Variants in CNTNAP4 observed in about 807,000 individuals in gnomAD.
CNTNAP4 encodes the protein contactin-associated protein-like 4.
In CNTNAP4, 98 loss-of-function variants were observed where a neutral mutation model predicts 148.4. The ratio of observed to expected loss-of-function variants is 0.66; its 90% CI spans 0.56 to 0.78. CNTNAP4 has a LOEUF of 0.78. CNTNAP4 is among the 30% of genes least tolerant of loss of function. CNTNAP4 has a pLI of 0.00. For missense variants in CNTNAP4, 1,935 were observed against 1,565.6 expected, an observed-to-expected ratio of 1.24 and a Z score of -3.98; for synonymous variants, 730 against 565.1, an observed-to-expected ratio of 1.29 and a Z score of -4.14.
At chr16:76,344,598 T>G (rs1964755432) in intron 2 of CNTNAP4, among the ~76,000 whole-genome samples, 1 of 152,212 alleles carries the variant, frequency 6.6e-6, no homozygotes, top group Admixed American at 6.5e-5. Context: ...GTCTGAATAT[T>G]AGATTAATAG....
chr16:76,553,365 C>T lies in CNTNAP4; in HGVS notation c.3525C>T (p.His1175=), dbSNP rs761882193. The change falls in exon 22 of 24, where the codon CAC becomes CAT. Residue 1175 remains histidine (H), a synonymous_variant. Coordinates refer to ENST00000611870, the MANE Select transcript of CNTNAP4 (RefSeq NM_033401.5). ...GCCTCTCTGCAGTGCAGCTCAGCCA[C>T]GTGGCCCCTCTGAAGGCAGCTCTGC... The part of the protein sequence containing the change: ...TGCLSAVQLS[H]VAPLKAALHP... 13 of 1,612,610 alleles carry T rather than the reference C, an allele frequency of 8.1e-6. No homozygotes were observed. Among genetic ancestry groups the T allele is most frequent in the East Asian group, 6.7e-5 (3 of 44,838 alleles).
intron 3 of CNTNAP4, among the ~76,000 whole-genome samples, chr16:76,365,908 C>T (rs76700222): frequency 0.013 from 1,976 of 151,944 alleles, 40 homozygotes; most frequent in African/African-American, 0.04. Context: ...GAAATACAAA[C>T]GCCATTTGTA....
chr16:76,457,064 G>A (rs2080762553), intron 8 of CNTNAP4, among the ~76,000 whole-genome samples: 2 of 152,156 alleles, frequency 1.3e-5, no homozygotes, highest in Admixed American at 6.5e-5. Context: ...AGTTATGAGT[G>A]GTGGGACTGG....
At chr16:76,541,669 C>G (rs899533493) in intron 21 of CNTNAP4, among the ~76,000 whole-genome samples, 1 of 152,190 alleles carries the variant, frequency 6.6e-6, no homozygotes, top group South Asian at 2.1e-4. Flanking sequence ...AATCTCAGAA[C>G]CTTGAGAATG....
intron 2 of CNTNAP4, among the ~76,000 whole-genome samples, chr16:76,317,708 A>AGTGT (rs146648270): frequency 0.089 from 13,375 of 150,650 alleles, 1,150 homozygotes; most frequent in East Asian, 0.37. Context: ...AATAGGTAAG[A>AGTGT]GTGTGTGTGT....
At position 76,355,598 on chromosome 16, in the gene CNTNAP4, G is replaced by A. The variant is rs16944294; in HGVS notation, c.390+87G>A. On this transcript the variant is annotated intron_variant, in intron 3 of 23. Coordinates refer to ENST00000611870, the MANE Select transcript of CNTNAP4 (RefSeq NM_033401.5). ...GTTTACCAATCTCTTAAATTAAGTA[G>A]ACATACAGAATCTGCAGACTTACAT... 3.6e-3 allele frequency: 3,540 copies of A among 980,306 alleles called. 114 individuals carry two copies. The African/African-American group carries it at 0.053, about 15-fold the overall frequency. The allele number at this position is 980,306 out of a possible 1,614,324, so 60.7% of individuals were successfully genotyped here.
chr16:76,507,290 T>A (rs2082868543), intron 15 of CNTNAP4, among the ~76,000 whole-genome samples: 2 of 97,604 alleles, frequency 2.0e-5, no homozygotes, highest in African/African-American at 5.1e-5. Flanking sequence ...GTAGTCACCA[T>A]GTTTTGTCGT....
chr16:76,450,004 A>C, intron 7 of CNTNAP4, 146 bp downstream of exon 7: 1 of 632,472 alleles, frequency 1.6e-6, no homozygotes. Context: ...ATATGCATAT[A>C]AAAGATTGGT....
Position 76,357,792 on chromosome 16 carries a change from A to T in CNTNAP4, c.390+2281A>T, listed in dbSNP as rs77889240. ...TCTTCTTTTTATTATATTCTATTTAATACCAATTTAATATACCAGTTAGAA... is the reference window on the plus strand; with the variant it reads ...TCTTCTTTTTATTATATTCTATTTATTACCAATTTAATATACCAGTTAGAA... On this transcript the variant is annotated intron_variant, in intron 3 of 23. Transcript: ENST00000611870. Among the ~76,000 whole-genome samples the T allele has an allele frequency of 1.6e-3, 239 of 152,268 alleles. 8 individuals are homozygous for T. In the East Asian group the frequency reaches 0.038, roughly 24 times the overall value.
chr16:76,420,282 TATTA>T (rs2079142555), intron 3 of CNTNAP4, among the ~76,000 whole-genome samples: 1 of 151,588 alleles, frequency 6.6e-6, no homozygotes, highest in African/African-American at 2.4e-5. Flanking sequence ...AGGAGATAAA[TATTA>T]ATTTCCCTTT....
At chr16:76,333,792 T>TG (rs888805446) in intron 2 of CNTNAP4, among the ~76,000 whole-genome samples, 23 of 147,960 alleles carry the variant, frequency 1.6e-4, no homozygotes, top group African/African-American at 5.4e-4. Context: ...TTTTTTTTTT[T>TG]TTTTTTTTTT....
intron 3 of CNTNAP4, among the ~76,000 whole-genome samples, chr16:76,398,085 A>G (rs1429770057): frequency 1.4e-5 from 2 of 148,034 alleles, no homozygotes; most frequent in Middle Eastern, 3.2e-3. Flanking sequence ...CCGAGTCCCA[A>G]AGCTGAAGAA....
At chr16:76,523,205 T>A (rs1034019100) in intron 17 of CNTNAP4, among the ~76,000 whole-genome samples, 18 of 152,020 alleles carry the variant, frequency 1.2e-4, no homozygotes, top group Admixed American at 1.3e-4. Flanking sequence ...GAGGAAATCA[T>A]CCAGCCGATG....
intron 6 of CNTNAP4, 102 bp downstream of exon 6, chr16:76,449,053 C>A (rs2080356782): frequency 2.7e-6 from 3 of 1,099,806 alleles, no homozygotes; most frequent in African/African-American, 1.6e-5. Context: ...TTCAGTAAAT[C>A]ATAGAACAGG....
chr16:76,517,650 T>C (rs1241511544), intron 15 of CNTNAP4, among the ~76,000 whole-genome samples: 1 of 152,232 alleles, frequency 6.6e-6, no homozygotes, highest in Non-Finnish European at 1.5e-5. Context: ...TACTGTTCCT[T>C]TATAAACAGC....
At chr16:76,330,992 T>G (rs538572478) in intron 2 of CNTNAP4, among the ~76,000 whole-genome samples, 1 of 152,346 alleles carries the variant, frequency 6.6e-6, no homozygotes, top group Non-Finnish European at 1.5e-5. Context: ...TACTAAAGTT[T>G]TTAAAAATTG....
intron 10 of CNTNAP4, among the ~76,000 whole-genome samples, chr16:76,472,032 C>T (rs538919844): frequency 2.7e-5 from 4 of 149,890 alleles, no homozygotes; most frequent in African/African-American, 9.9e-5. Context: ...CTTACTATCA[C>T]TTTAGGTTTG....
At chr16:76,385,063 C>T (rs1335457588) in intron 3 of CNTNAP4, among the ~76,000 whole-genome samples, 1 of 152,112 alleles carries the variant, frequency 6.6e-6, no homozygotes, top group Non-Finnish European at 1.5e-5. Context: ...CTGACAGGTG[C>T]AACTTATAAA....
At chr16:76,534,230 A>T (rs2084117164) in intron 17 of CNTNAP4, among the ~76,000 whole-genome samples, 1 of 152,212 alleles carries the variant, frequency 6.6e-6, no homozygotes, top group Non-Finnish European at 1.5e-5. Context: ...TCATAGTTAT[A>T]ACACAGAAAT....
Sources: gnomAD v4.1 joint callset for allele counts (sites outside exome capture counted in the v4.1 genomes callset) on GRCh38, gnomAD v4.1.1 for gene constraint, MANE v1.5 for transcripts, NCBI Gene and HGNC (gene_info 2026-07-23, HGNC 2026-07-21) for gene names.